The following TNRC6C variants were observed in gnomAD, a reference collection of about 807,000 sequenced individuals.
The protein encoded by TNRC6C is trinucleotide repeat containing adaptor 6C, also known as trinucleotide repeat-containing gene 6C protein.
Under a neutral mutation model 153.7 loss-of-function variants are expected in TNRC6C, and 20 were observed. That is an observed-to-expected ratio of 0.13 (90% CI 0.09 to 0.19). The LOEUF is 0.19. Among genes scored for constraint, TNRC6C ranks in the 10% least tolerant of loss-of-function variants. The pLI, the probability that TNRC6C is intolerant of heterozygous loss-of-function variation, is 1.00. For missense variants in TNRC6C, 1,987 were observed against 2,172.0 expected, an observed-to-expected ratio of 0.91 and a Z score of 1.69; for synonymous variants, 811 against 841.4, an observed-to-expected ratio of 0.96 and a Z score of 0.63.
At chr17:78,070,475 G>C (rs1367968901) in intron 5 of TNRC6C, among the ~76,000 whole-genome samples, 1 of 152,066 alleles carries the variant, frequency 6.6e-6, no homozygotes, top group Non-Finnish European at 1.5e-5. Flanking sequence ...GAAGCCTCCT[G>C]GCTCTTCTGT....
intron 1 of TNRC6C, among the ~76,000 whole-genome samples, chr17:77,985,421 G>A (rs1478760733): frequency 1.3e-5 from 2 of 150,626 alleles, no homozygotes; most frequent in Non-Finnish European, 3.0e-5. Flanking sequence ...GTGAAACCCC[G>A]TCTCTACTAA....
intron 2 of TNRC6C, among the ~76,000 whole-genome samples, chr17:78,045,857 A>G (rs2072398275): frequency 6.6e-6 from 1 of 151,820 alleles, no homozygotes; most frequent in African/African-American, 2.4e-5. Context: ...AGAAAATAAT[A>G]TAACTGTGTT....
chr17:77,984,796 G>GAAGTCCA (rs2071136789), intron 1 of TNRC6C, among the ~76,000 whole-genome samples: 1 of 151,906 alleles, frequency 6.6e-6, no homozygotes, highest in African/African-American at 2.4e-5. Flanking sequence ...CTGCGTGGAG[G>GAAGTCCA]GATCTTCCTC....
chr17:78,006,461 C>G (rs2071497761), intron 1 of TNRC6C, among the ~76,000 whole-genome samples: 2 of 152,112 alleles, frequency 1.3e-5, no homozygotes, highest in South Asian at 4.1e-4. Context: ...GTTAACTGTT[C>G]TGGATCATCC....
intron 1 of TNRC6C, among the ~76,000 whole-genome samples, chr17:77,992,127 GT>G (rs2071260556): frequency 6.6e-6 from 1 of 152,180 alleles, no homozygotes; most frequent in Admixed American, 6.5e-5. Flanking sequence ...ACTTCACACT[GT>G]CTGCTGCCCT....
intron 16 of TNRC6C, 126 bp from the exon 19 acceptor site, chr17:78,097,619 T>TA: frequency 1.6e-6 from 1 of 615,478 alleles, no homozygotes. Context: ...ACTTTCATGT[T>TA]CAGGCTTCTA....
At chr17:77,976,952 A>AG (rs1020146796) in intron 1 of TNRC6C, among the ~76,000 whole-genome samples, 2 of 150,300 alleles carry the variant, frequency 1.3e-5, no homozygotes, top group Admixed American at 6.6e-5. Flanking sequence ...AAAAAAAAAA[A>AG]AAAAAAAACT....
intron 1 of TNRC6C, among the ~76,000 whole-genome samples, chr17:77,973,438 AAAAG>A (rs1396157477): frequency 1.3e-5 from 2 of 152,252 alleles, no homozygotes; most frequent in Non-Finnish European, 2.9e-5. Context: ...AACTGGGAAA[AAAAG>A]AATATCAGTT....
At chr17:78,006,820 A>AT (rs1310200807) in intron 1 of TNRC6C, among the ~76,000 whole-genome samples, 5 of 145,928 alleles carry the variant, frequency 3.4e-5, no homozygotes, top group African/African-American at 5.2e-5. Flanking sequence ...TTATTTATTT[A>AT]TTTATTTATT....
chr17:78,046,787 G>A (rs1367551121), intron 2 of TNRC6C, among the ~76,000 whole-genome samples: 1 of 152,062 alleles, frequency 6.6e-6, no homozygotes, highest in East Asian at 1.9e-4. Context: ...ATTTCATGTG[G>A]CTAGACAGTT....
intron 2 of TNRC6C, among the ~76,000 whole-genome samples, chr17:78,040,235 A>G (rs2072265116): frequency 6.6e-6 from 1 of 152,236 alleles, no homozygotes. Context: ...CAGAGATTCC[A>G]AAGAATGCCA....
chr17:77,997,454 C>T (rs936686492), intron 1 of TNRC6C, among the ~76,000 whole-genome samples: 2 of 152,074 alleles, frequency 1.3e-5, no homozygotes, highest in Admixed American at 1.3e-4. Context: ...ATCTTTTCCC[C>T]CTGCCTTGTG....
At chr17:78,028,530 G>A (rs2071991330) in intron 1 of TNRC6C, among the ~76,000 whole-genome samples, 1 of 152,162 alleles carries the variant, frequency 6.6e-6, no homozygotes, top group Admixed American at 6.5e-5. Flanking sequence ...GGACTTGCCA[G>A]GCACTAGTGA....
At chr17:77,996,783 C>T (rs2143115270) in intron 1 of TNRC6C, among the ~76,000 whole-genome samples, 1 of 152,312 alleles carries the variant, frequency 6.6e-6, no homozygotes, top group African/African-American at 2.4e-5. Context: ...AATCTGAGCA[C>T]TGTGGCCCAG....
In TNRC6C at chr17:78,093,774, T is replaced by A; in HGVS notation, c.4306+11T>A. ...TCCTCAAGAGTGGAGGTGAGGGTGC[T>A]GCTCTTCCTGCCTCTGCATGGACGG... On this transcript the variant is annotated intron_variant, in intron 16 of 19. Coordinates refer to ENST00000301624, the Ensembl canonical transcript of TNRC6C. 6.2e-7 allele frequency: 1 copy of A among 1,613,514 alleles called. No homozygotes were observed. Among genetic ancestry groups the A allele is most frequent in the South Asian group, 1.1e-5 (1 of 91,070 alleles).
rs577533306 is a variant in TNRC6C, at chr17:78,015,844, G to A, written c.-546+10765G>A. 1.5e-3 allele frequency among the ~76,000 whole-genome samples: 224 copies of A among 152,230 alleles called. 1 individual carries two copies. Among genetic ancestry groups the A allele is most frequent in the African/African-American group, 5.0e-3 (208 of 41,526 alleles). On this transcript the variant is annotated intron_variant, in intron 1 of 19. Transcript: ENST00000301624. ...GGAGAATTGCTGGAACCCAGGAAGC[G>A]GAGGTTGCAGTAAGCCGAGATCATG...
intron 1 of TNRC6C, among the ~76,000 whole-genome samples, chr17:77,974,240 C>T (rs77655243): frequency 0.017 from 2,611 of 152,010 alleles, 48 homozygotes; most frequent in African/African-American, 0.04. Context: ...TTAAAATGGG[C>T]GAAGGATTTC....
At position 77,960,046 on chromosome 17, in the gene TNRC6C, G is replaced by C. The variant is rs557687389; in HGVS notation, c.-38+778G>C. On this transcript the variant is annotated intron_variant, in intron 1 of 22. Coordinates refer to the TNRC6C transcript ENST00000636222. ...TAGCAAAAATGAAGGCTTGCTGCTTGGATGTTGTGCCGGGAGGTAGGGGAG... is the reference window on the plus strand; with the variant it reads ...TAGCAAAAATGAAGGCTTGCTGCTTCGATGTTGTGCCGGGAGGTAGGGGAG... 2.0e-5 allele frequency among the ~76,000 whole-genome samples: 3 copies of C among 152,264 alleles called. No homozygotes were observed. The South Asian group carries it at 6.2e-4, about 32-fold the overall frequency.
chr17:78,059,376 G>T (rs2072719606), intron 3 of TNRC6C, among the ~76,000 whole-genome samples: 1 of 152,168 alleles, frequency 6.6e-6, no homozygotes, highest in Non-Finnish European at 1.5e-5. Context: ...GTGTTTGAGG[G>T]GTTTGGTAAG....
Sources: gnomAD v4.1 joint callset for allele counts (sites outside exome capture counted in the v4.1 genomes callset) on GRCh38, gnomAD v4.1.1 for gene constraint, MANE v1.5 for transcripts, NCBI Gene and HGNC (gene_info 2026-07-23, HGNC 2026-07-21) for gene names.